Variants in MAP2 observed in about 807,000 individuals in gnomAD.
MAP2 encodes microtubule-associated protein 2.
In MAP2, 14 loss-of-function variants were observed where a neutral mutation model predicts 137.6. The ratio of observed to expected loss-of-function variants is 0.10; its 90% CI spans 0.07 to 0.16. MAP2 has a LOEUF of 0.16. MAP2 is among the 10% of genes least tolerant of loss of function. MAP2 has a pLI of 1.00. For missense variants in MAP2, 2,088 were observed against 2,191.5 expected (o/e 0.95, Z 0.94); for synonymous variants, 786 against 782.3 (o/e 1.00, Z -0.08).
chr2:209,644,972 A>T (rs2094322831), intron 4 of MAP2, among the ~76,000 whole-genome samples: 1 of 152,150 alleles, frequency 6.6e-6, no homozygotes, highest in African/African-American at 2.4e-5. Flanking sequence ...GTTGTCAGGG[A>T]CATTTTTTTC....
intron 4 of MAP2, among the ~76,000 whole-genome samples, chr2:209,627,848 C>T (rs2092553608): frequency 6.6e-6 from 1 of 152,152 alleles, no homozygotes; most frequent in Admixed American, 6.5e-5. Context: ...TATCCTCACA[C>T]TGCTTACCAG....
intron 5 of MAP2, among the ~76,000 whole-genome samples, chr2:209,674,265 G>C (rs899526972): frequency 6.6e-6 from 1 of 151,690 alleles, no homozygotes; most frequent in African/African-American, 2.4e-5. Flanking sequence ...TATTAAAGTA[G>C]AAGACTCAGA....
At chr2:209,709,687 G>GT (rs986214793) in intron 12 of MAP2, among the ~76,000 whole-genome samples, 1 of 151,880 alleles carries the variant, frequency 6.6e-6, no homozygotes, top group African/African-American at 2.4e-5. Context: ...AAAAAATCAG[G>GT]TTTTTTTCTT....
At chr2:209,626,145 T>A (rs1254199877) in intron 4 of MAP2, among the ~76,000 whole-genome samples, 1 of 152,080 alleles carries the variant, frequency 6.6e-6, no homozygotes, top group Non-Finnish European at 1.5e-5. Context: ...AGGCCGGGTG[T>A]GGTGGCTCAC....
chr2:209,574,821 A>G (rs142843919), intron 2 of MAP2, among the ~76,000 whole-genome samples: 2,172 of 152,306 alleles, frequency 0.014, 22 homozygotes, highest in Middle Eastern at 0.027. Flanking sequence ...GTGATTTTGG[A>G]TATCATGATA....
intron 1 of MAP2, among the ~76,000 whole-genome samples, chr2:209,486,728 A>T (rs1325687951): frequency 6.6e-6 from 1 of 152,248 alleles, no homozygotes; most frequent in African/African-American, 2.4e-5. Flanking sequence ...GATTGTTTAT[A>T]GGTGAATTAT....
In MAP2 at chr2:209,432,648, G is replaced by A. The variant is rs193149096; in HGVS notation, c.-222+8372G>A. On this transcript the variant is annotated intron_variant, in intron 1 of 15. Coordinates refer to ENST00000682079, the MANE Select transcript of MAP2 (RefSeq NM_001375505.1). The stretch of plus-strand genomic sequence containing the variant: ...CCGTGTAATATGTCTTAATTCTCTC[G>A]ATGAACATGTCTAATCATCCATCAG... Among the ~76,000 whole-genome samples the A allele has an allele frequency of 3.7e-3, 563 of 152,130 alleles. 5 individuals carry two copies. Among genetic ancestry groups the A allele is most frequent in the African/African-American group, 0.013 (531 of 41,492 alleles).
chr2:209,662,175 A>T (rs888559426), intron 5 of MAP2, among the ~76,000 whole-genome samples: 1 of 152,244 alleles, frequency 6.6e-6, no homozygotes, highest in African/African-American at 2.4e-5. Context: ...CAAGTTGTGA[A>T]GAGCAAGGCT....
intron 1 of MAP2, among the ~76,000 whole-genome samples, chr2:209,430,378 T>G (rs537610064): frequency 4.6e-5 from 7 of 152,006 alleles, no homozygotes; most frequent in African/African-American, 1.7e-4. Context: ...GTGGTATTTG[T>G]GTGTTTGTGT....
intron 5 of MAP2, among the ~76,000 whole-genome samples, chr2:209,671,819 C>A (rs1307092654): frequency 2.0e-5 from 3 of 151,774 alleles, no homozygotes; most frequent in Non-Finnish European, 4.4e-5. Context: ...TGAACCTTTG[C>A]ACGTTCAAGT....
At chr2:209,671,441 T>A (rs1235568109) in intron 5 of MAP2, among the ~76,000 whole-genome samples, 1 of 151,864 alleles carries the variant, frequency 6.6e-6, no homozygotes, top group Non-Finnish European at 1.5e-5. Flanking sequence ...TTTAGCAGAG[T>A]GCTTCAAACT....
intron 3 of MAP2, among the ~76,000 whole-genome samples, chr2:209,585,862 C>A (rs947556080): frequency 3.3e-5 from 5 of 152,162 alleles, no homozygotes; most frequent in Non-Finnish European, 7.4e-5. Flanking sequence ...CCTCGGCTTT[C>A]CTCCAAGGAG....
intron 3 of MAP2, among the ~76,000 whole-genome samples, chr2:209,588,132 A>C (rs1179113570): frequency 6.6e-6 from 1 of 152,076 alleles, no homozygotes; most frequent in East Asian, 1.9e-4. Context: ...GTGTCAGTCT[A>C]CTCTTTCCAT....
chr2:209,698,484 A>AAGAGGAACATT (rs2153730222), intron 10 of MAP2, among the ~76,000 whole-genome samples: 1 of 152,324 alleles, frequency 6.6e-6, no homozygotes, highest in African/African-American at 2.4e-5. Context: ...TTTAAAGGTT[A>AAGAGGAACATT]AGAGGAACAT....
At chr2:209,573,280 CT>C (rs2074708648) in intron 2 of MAP2, among the ~76,000 whole-genome samples, 1 of 141,206 alleles carries the variant, frequency 7.1e-6, no homozygotes, top group Non-Finnish European at 1.5e-5. Context: ...TTTTTCTTTT[CT>C]TTATTTTTCT....
chr2:209,553,897 G>T (rs1002006472), intron 2 of MAP2, among the ~76,000 whole-genome samples: 1 of 152,136 alleles, frequency 6.6e-6, no homozygotes. Flanking sequence ...TAGAGTTAGC[G>T]GATTTCTGTA....
chr2:209,679,987 C>A (rs2053829478), intron 6 of MAP2, among the ~76,000 whole-genome samples: 1 of 151,970 alleles, frequency 6.6e-6, no homozygotes. Context: ...GAAATATTTC[C>A]TTTTGAAATT....
At chr2:209,687,521 A>T (rs1437861442) in intron 7 of MAP2, among the ~76,000 whole-genome samples, 1 of 152,150 alleles carries the variant, frequency 6.6e-6, no homozygotes, top group Non-Finnish European at 1.5e-5. Context: ...GGATAGGTGG[A>T]ATTCAGCAGT....
intron 2 of MAP2, among the ~76,000 whole-genome samples, chr2:209,513,206 G>A (rs113985770): frequency 0.011 from 1,619 of 152,224 alleles, 13 homozygotes; most frequent in Non-Finnish European, 0.016. Flanking sequence ...ACAAAATTTT[G>A]ATTAGCTTCT....
Sources: gnomAD v4.1 joint callset for allele counts (sites outside exome capture counted in the v4.1 genomes callset) on GRCh38, gnomAD v4.1.1 for gene constraint, MANE v1.5 for transcripts, NCBI Gene and HGNC (gene_info 2026-07-23, HGNC 2026-07-21) for gene names.